Variants in TIAL1 observed in about 807,000 individuals in gnomAD.
The protein encoded by TIAL1 is TIA1 cytotoxic granule associated RNA binding protein like 1.
A neutral mutation model predicts 59.7 loss-of-function variants in TIAL1; 7 were observed. The ratio of observed to expected loss-of-function variants is 0.12; its 90% CI spans 0.07 to 0.22. TIAL1 has a LOEUF of 0.22. TIAL1 is among the 10% of genes least tolerant of loss of function. The pLI is 1.00. For synonymous variants in TIAL1, 149 were observed against 146.3 expected, an observed-to-expected ratio of 1.02 and a Z score of -0.13; for missense variants, 225 against 462.5, an observed-to-expected ratio of 0.49 and a Z score of 4.71.
chr10:119,595,228 T>C (rs558185290), intron 1 of TIAL1, among the ~76,000 whole-genome samples: 1 of 152,110 alleles, frequency 6.6e-6, no homozygotes, highest in African/African-American at 2.4e-5. Context: ...ACTTCTCGAG[T>C]GCCCCTCCAC....
At chr10:119,587,765 C>T (rs1323858527) in intron 2 of TIAL1, among the ~76,000 whole-genome samples, 2 of 152,170 alleles carry the variant, frequency 1.3e-5, no homozygotes, top group African/African-American at 2.4e-5. Flanking sequence ...ACGAGACGAA[C>T]GGTGCTGCAC....
intron 2 of TIAL1, among the ~76,000 whole-genome samples, chr10:119,585,319 G>A (rs771563297): frequency 1.2e-4 from 18 of 146,384 alleles, no homozygotes; most frequent in Non-Finnish European, 2.1e-4. Flanking sequence ...TGAACTAGGT[G>A]TGGCGGTGCT....
chr10:119,580,748 GAATA>G, intron 5 of TIAL1: 3 of 1,062,360 alleles, frequency 2.8e-6, no homozygotes, highest in South Asian at 5.1e-5. Flanking sequence ...TGTATAATAA[GAATA>G]AATAGAAATG....
rs145340933 is a variant in TIAL1 at position 119,577,465 on chromosome 10, G to A, written c.723C>T (p.Gly241=). 1.9e-6 allele frequency: 3 copies of A among 1,612,830 alleles called. No homozygotes were observed. In the African/African-American group the frequency reaches 4.0e-5, roughly 22 times the overall value. The change falls in exon 9 of 12, where the codon GGC becomes GGT. Residue 241 remains glycine, a synonymous_variant. Transcript: ENST00000436547. ...TAGAGTGTTACCTGACAAATGAATA[G>A]CCCTTTTCTGGGAAAACTCTTATTT... ...IMEIRVFPEK[G]YSFVRFSTHE...
At chr10:119,587,583 G>A (rs540616139) in intron 2 of TIAL1, among the ~76,000 whole-genome samples, 2 of 151,456 alleles carry the variant, frequency 1.3e-5, no homozygotes, top group Admixed American at 6.6e-5. Flanking sequence ...ATTCACCAGT[G>A]TATCTCTAGC....
intron 9 of TIAL1, 21 bp from the exon 10 acceptor site, chr10:119,577,224 G>A: frequency 6.3e-7 from 1 of 1,583,534 alleles, no homozygotes; most frequent in South Asian, 1.2e-5. Context: ...AAAATGATAT[G>A]GTTTTGTCTT....
rs2133973776 is a variant in TIAL1, at chr10:119,582,925, T to C, written c.130-368A>G. On this transcript the variant is annotated intron_variant, in intron 2 of 11. Transcript: ENST00000436547. This position sits in a 1 kb window ranked among gnomAD's most constrained non-coding sequence, Gnocchi z 5.1. ...CCACTACTTTCCTTCTCCAATATTA[T>C]TTTTAAATTACGTTCTACTTATGCA... Among the ~76,000 whole-genome samples, 1 of 152,260 alleles carries C rather than the reference T, an allele frequency of 6.6e-6. No individual in the cohort carries two copies. The highest frequency in any genetic ancestry group is 6.5e-5 in the Admixed American group (1 of 15,300).
At position 119,576,679 on chromosome 10, in the gene TIAL1, T is replaced by G; in HGVS notation, c.933A>C (p.Ala311=). 6.2e-7 allele frequency: 1 copy of G among 1,614,222 alleles called. No homozygotes were observed. The highest frequency in any genetic ancestry group is 8.5e-7 in the Non-Finnish European group (1 of 1,180,042). Residue 311 remains alanine (A), a synonymous_variant, in exon 11 of 12, where the codon GCA becomes GCC. Transcript: ENST00000436547. The stretch of plus-strand genomic sequence containing the variant: ...CATAAGGCGGTACTTGCCACCCATT[T>G]GCCATATACTGTCCATACTGTTGTG... ...GNPQQYGQYM[A]NGWQVPPYGV...
chr10:119,596,314 G>T, intron 1 of TIAL1, 120 bp downstream of exon 1: 2 of 1,091,712 alleles, frequency 1.8e-6, no homozygotes, highest in Non-Finnish European at 2.8e-6. Flanking sequence ...CGTCCACGCC[G>T]CCCTGGTCAG....
At position 119,590,774 on chromosome 10, in the gene TIAL1, A is replaced by G. The variant is rs138491022; in HGVS notation, c.33-2526T>C. Among the ~76,000 whole-genome samples the G allele has an allele frequency of 4.4e-3, 480 of 108,656 alleles. 7 individuals carry two copies. The highest frequency in any genetic ancestry group is 0.017 in the African/African-American group (457 of 26,434). The allele number at this position is 108,656 out of a possible 152,430, so 71.3% of individuals were successfully genotyped here. ...ACAGAGAGAAAGAGAGAAAGAAAGA[A>G]AGAAAGAAAGAAAGAAAGAAAGAAA... On this transcript the variant is annotated intron_variant, in intron 1 of 11. Coordinates refer to ENST00000436547, the MANE Select transcript of TIAL1 (RefSeq NM_003252.4).
intron 1 of TIAL1, among the ~76,000 whole-genome samples, chr10:119,595,912 G>C (rs1250429283): frequency 1.3e-5 from 2 of 152,284 alleles, no homozygotes; most frequent in East Asian, 3.9e-4. Flanking sequence ...GGGCTTGAGT[G>C]GTGAAAGAGT....
Position 119,575,496 on chromosome 10 carries a change from G to T in TIAL1, c.*169C>A. On this transcript the variant is annotated 3_prime_UTR_variant, in exon 12 of 12. Coordinates refer to ENST00000436547, the MANE Select transcript of TIAL1 (RefSeq NM_003252.4). ...TCATGAACAAAAACTTAAAAAGGCA[G>T]AACTAGAAGACACGTGTCCTTCACC... is the stretch of plus-strand genomic sequence containing the variant. The T allele has an allele frequency of 1.4e-6, 1 of 739,708 alleles. No individual in the cohort carries two copies. Among genetic ancestry groups the T allele is most frequent in the Non-Finnish European group, 2.1e-6 (1 of 483,280 alleles). The allele number at this position is 739,708 out of a possible 1,614,324, so 45.8% of individuals were successfully genotyped here.
chr10:119,587,798 G>C (rs962228432), intron 2 of TIAL1, among the ~76,000 whole-genome samples: 4 of 152,148 alleles, frequency 2.6e-5, no homozygotes, highest in African/African-American at 9.7e-5. Context: ...ATAACTTCGT[G>C]TTCTCGCACA....
intron 1 of TIAL1, among the ~76,000 whole-genome samples, chr10:119,594,965 G>T (rs1024738849): frequency 2.6e-5 from 4 of 152,160 alleles, no homozygotes; most frequent in Admixed American, 1.3e-4. Flanking sequence ...TTCTTCTAGG[G>T]AGAGAAGGCA....
intron 7 of TIAL1, 67 bp from the exon 8 acceptor site, chr10:119,577,803 CTA>C: frequency 2.2e-6 from 3 of 1,364,810 alleles, no homozygotes; most frequent in Non-Finnish European, 2.1e-6. Flanking sequence ...CTGTTAATTA[CTA>C]TATACTATTA....
At chr10:119,576,579 G>A (rs777206214) in intron 11 of TIAL1, 32 bp downstream of exon 11, 12 of 1,607,026 alleles carry the variant, frequency 7.5e-6, no homozygotes, top group Admixed American at 5.2e-5. Context: ...AGAACCATAC[G>A]TTTCTATACT....
rs200630840 is a variant in TIAL1 at position 119,575,644 on chromosome 10, AT to A, written c.*20del. The A allele has an allele frequency of 1.2e-4, 186 of 1,574,394 alleles. No individual in the cohort carries two copies. The highest frequency in any genetic ancestry group is 3.4e-4 in the Admixed American group (20 of 58,342). The stretch of plus-strand genomic sequence containing the variant: ...AAATCGAAGCCTATCATGAATTACA[AT>A]TTTTTTTTAGAGTCCCGGCTCACTG... On this transcript the variant is annotated 3_prime_UTR_variant, in exon 12 of 12. Transcript: ENST00000436547.
At chr10:119,592,456 T>C (rs1293588617) in intron 1 of TIAL1, among the ~76,000 whole-genome samples, 1 of 152,234 alleles carries the variant, frequency 6.6e-6, no homozygotes, top group Admixed American at 6.5e-5. Context: ...AAGAATATCA[T>C]GCCTTTCAGA....
intron 2 of TIAL1, among the ~76,000 whole-genome samples, chr10:119,586,015 T>A (rs1845555852): frequency 6.6e-6 from 1 of 152,204 alleles, no homozygotes; most frequent in Non-Finnish European, 1.5e-5. Flanking sequence ...GCCTCTGTGC[T>A]CTTCTTTACC....
Sources: allele counts gnomAD v4.1 joint callset (sites outside exome capture counted in the v4.1 genomes callset), GRCh38; gene constraint gnomAD v4.1.1; non-coding constraint Gnocchi (gnomAD v3.1); transcripts MANE v1.5; gene names NCBI Gene and HGNC (gene_info 2026-07-23, HGNC 2026-07-21).